The following MLLT10 variants were observed in gnomAD, a reference collection of about 807,000 sequenced individuals.
MLLT10 encodes protein AF-10.
Under a neutral mutation model 129.1 loss-of-function variants are expected in MLLT10, and 30 were observed. The ratio of observed to expected loss-of-function variants is 0.23; its 90% CI spans 0.17 to 0.32. The LOEUF (loss-of-function observed/expected upper bound fraction) is 0.32. Among genes scored for constraint, MLLT10 ranks in the 10% least tolerant of loss-of-function variants. The pLI is 1.00. For missense variants in MLLT10, 1,119 were observed against 1,268.3 expected (o/e 0.88, Z 1.79); for synonymous variants, 490 against 446.4 (o/e 1.10, Z -1.23).
At chr10:21,727,154 A>G (rs997535704) in intron 15 of MLLT10, among the ~76,000 whole-genome samples, 1 of 152,214 alleles carries the variant, frequency 6.6e-6, no homozygotes, top group Non-Finnish European at 1.5e-5. Flanking sequence ...CCTGACTCAG[A>G]ATAAGGGGAG....
intron 17 of MLLT10, among the ~76,000 whole-genome samples, 163 bp from the exon 18 acceptor site, chr10:21,732,736 T>A (rs889051744): frequency 6.6e-6 from 1 of 152,244 alleles, no homozygotes; most frequent in Non-Finnish European, 1.5e-5. Flanking sequence ...AGGCAATTTA[T>A]ATCCATAAAC....
At chr10:21,553,171 C>T (rs946008006) in intron 3 of MLLT10, among the ~76,000 whole-genome samples, 3 of 152,108 alleles carry the variant, frequency 2.0e-5, no homozygotes, top group Admixed American at 1.3e-4. Flanking sequence ...TAGGGTTTTG[C>T]ATGGTTGATA....
intron 6 of MLLT10, 87 bp downstream of exon 6, chr10:21,612,538 A>C: frequency 2.9e-6 from 2 of 691,930 alleles, no homozygotes; most frequent in Non-Finnish European, 4.7e-6. Flanking sequence ...ATACTCAAAC[A>C]TTAATTATGG....
intron 13 of MLLT10, among the ~76,000 whole-genome samples, chr10:21,684,854 T>G (rs967099638): frequency 6.6e-6 from 1 of 152,254 alleles, no homozygotes; most frequent in African/African-American, 2.4e-5. Context: ...AAGCTACTTG[T>G]AGTTTCCTGA....
chr10:21,670,454 T>C lies in MLLT10; in HGVS notation c.801T>C (p.Tyr267=), dbSNP rs562231503. The stretch of plus-strand genomic sequence containing the variant: ...TTTTTGAATCAAAATGTTAGACTTA[T>C]ACAAGCACTAGCAACAACTCTATAT... ...PSLTVTTEKT[Y]TSTSNNSISG... The change falls in exon 10 of 23, where the codon TAT becomes TAC. Residue 267 remains tyrosine, a synonymous_variant. Coordinates refer to ENST00000307729, the MANE Select transcript of MLLT10 (RefSeq NM_001195626.3). The C allele has an allele frequency of 2.7e-5, 43 of 1,609,602 alleles. No homozygotes were observed. The highest frequency in any genetic ancestry group is 1.7e-4 in the Admixed American group (10 of 58,882).
intron 13 of MLLT10, among the ~76,000 whole-genome samples, chr10:21,706,268 A>G (rs2055485956): frequency 6.6e-6 from 1 of 152,218 alleles, no homozygotes; most frequent in South Asian, 2.1e-4. Context: ...GATGTTTACT[A>G]TGTGGTAGAC....
At chr10:21,695,969 T>A (rs867260846) in intron 13 of MLLT10, among the ~76,000 whole-genome samples, 15 of 150,018 alleles carry the variant, frequency 1.0e-4, no homozygotes, top group Non-Finnish European at 1.9e-4. Flanking sequence ...TTTTTTTTTT[T>A]AAGTGGTCTG....
intron 4 of MLLT10, among the ~76,000 whole-genome samples, chr10:21,593,917 C>CT (rs1360432338): frequency 2.4e-5 from 2 of 84,328 alleles, no homozygotes; most frequent in Admixed American, 3.7e-4. Context: ...CAGACCAAGG[C>CT]TTTGTCTTTA....
chr10:21,629,397 A>T (rs79120967), intron 8 of MLLT10, among the ~76,000 whole-genome samples: 6,703 of 151,918 alleles, frequency 0.044, 207 homozygotes, highest in Non-Finnish European at 0.068. Context: ...TGTTATTTTT[A>T]CTCTCTATTG....
At chr10:21,668,836 T>C in intron 9 of MLLT10, 37 of 1,052,154 alleles carry the variant, frequency 3.5e-5, no homozygotes, top group Non-Finnish European at 4.4e-5. Flanking sequence ...TTTCTCTCCA[T>C]TCTTTATTTG....
intron 13 of MLLT10, among the ~76,000 whole-genome samples, chr10:21,689,565 G>A (rs7475921): frequency 0.018 from 2,003 of 113,234 alleles, 35 homozygotes; most frequent in African/African-American, 0.052. Context: ...ATATATATAT[G>A]TATATATATA....
At chr10:21,609,741 G>A (rs1475943192) in intron 5 of MLLT10, among the ~76,000 whole-genome samples, 1 of 152,042 alleles carries the variant, frequency 6.6e-6, no homozygotes, top group Non-Finnish European at 1.5e-5. Context: ...TTTTCCCTCT[G>A]ACTTTACTTA....
At chr10:21,658,346 A>C (rs2049816477) in intron 9 of MLLT10, among the ~76,000 whole-genome samples, 1 of 152,166 alleles carries the variant, frequency 6.6e-6, no homozygotes, top group Non-Finnish European at 1.5e-5. Flanking sequence ...TGTAATGTTA[A>C]AAAATGGAAA....
intron 5 of MLLT10, among the ~76,000 whole-genome samples, chr10:21,611,519 G>C (rs868340179): frequency 6.6e-6 from 1 of 152,116 alleles, no homozygotes; most frequent in Non-Finnish European, 1.5e-5. Flanking sequence ...TGTATCACCT[G>C]ATTATATGTA....
At chr10:21,668,633 G>A (rs1269838554) in intron 9 of MLLT10, among the ~76,000 whole-genome samples, 1 of 151,958 alleles carries the variant, frequency 6.6e-6, no homozygotes, top group African/African-American at 2.4e-5. Context: ...AAGTTTGATT[G>A]TTTTATTCAT....
chr10:21,591,344 A>G (rs2042483551), intron 4 of MLLT10, among the ~76,000 whole-genome samples: 1 of 152,148 alleles, frequency 6.6e-6, no homozygotes, highest in Non-Finnish European at 1.5e-5. Flanking sequence ...TCAAGTTTTG[A>G]TAAATTTCAT....
At chr10:21,608,191 C>T (rs993942352) in intron 5 of MLLT10, among the ~76,000 whole-genome samples, 1 of 149,594 alleles carries the variant, frequency 6.7e-6, no homozygotes, top group Non-Finnish European at 1.5e-5. Context: ...TTTTTTGAGA[C>T]AGGGTCTTGC....
intron 8 of MLLT10, among the ~76,000 whole-genome samples, chr10:21,633,046 T>C (rs2047146359): frequency 6.6e-6 from 1 of 152,208 alleles, no homozygotes; most frequent in African/African-American, 2.4e-5. Context: ...TATATGATTG[T>C]TCATCACTAT....
intron 3 of MLLT10, among the ~76,000 whole-genome samples, chr10:21,585,942 G>T (rs963338914): frequency 2.0e-5 from 3 of 152,026 alleles, no homozygotes; most frequent in East Asian, 1.9e-4. Context: ...TTTATTTTTA[G>T]TAGAGACGGG....
Sources: gnomAD v4.1 joint callset for allele counts (sites outside exome capture counted in the v4.1 genomes callset) on GRCh38, gnomAD v4.1.1 for gene constraint, MANE v1.5 for transcripts, NCBI Gene and HGNC (gene_info 2026-07-23, HGNC 2026-07-21) for gene names.